Variants in PAPPA observed in about 807,000 individuals in gnomAD.
PAPPA encodes pappalysin-1.
Under a neutral mutation model 164.0 loss-of-function variants are expected in PAPPA, and 60 were observed. The observed-to-expected ratio is 0.37, with a 90% CI of 0.30 to 0.45. PAPPA has a LOEUF of 0.45. Ranked by LOEUF, PAPPA falls within the 20% of genes least tolerant of loss-of-function variation. The pLI is 1.00. For synonymous variants in PAPPA, 875 were observed against 814.1 expected, an observed-to-expected ratio of 1.07 and a Z score of -1.27; for missense variants, 1,782 against 2,087.3, an observed-to-expected ratio of 0.85 and a Z score of 2.85.
chr9:116,347,222 C>T lies in PAPPA; in HGVS notation c.3964+13C>T. On this transcript the variant is annotated intron_variant, in intron 15 of 21. Coordinates refer to ENST00000328252, the MANE Select transcript of PAPPA (RefSeq NM_002581.5). The surrounding 1 kb of genome is among the most constrained non-coding windows in gnomAD (Gnocchi z 4.5). ...GCACAATTGAAAGGTATCAAGAACG[C>T]CTTCCCCAGCTCAGCCTTCCTTTGT... The T allele has an allele frequency of 6.3e-7, 1 of 1,591,656 alleles. No homozygotes were observed. Among genetic ancestry groups the T allele is most frequent in the Non-Finnish European group, 8.6e-7 (1 of 1,167,524 alleles).
At chr9:116,229,003 T>C (rs1203022799) in intron 6 of PAPPA, among the ~76,000 whole-genome samples, 1 of 152,096 alleles carries the variant, frequency 6.6e-6, no homozygotes, top group East Asian at 1.9e-4. Flanking sequence ...CTTGGGCACA[T>C]GGGCAAGGCA....
intron 7 of PAPPA, among the ~76,000 whole-genome samples, chr9:116,258,572 C>G (rs914887951): frequency 6.6e-6 from 1 of 151,994 alleles, no homozygotes; most frequent in Admixed American, 6.5e-5. Context: ...AGGAGAATCC[C>G]TTGAACCCGG....
At chr9:116,169,717 G>A (rs1419474365) in intron 1 of PAPPA, among the ~76,000 whole-genome samples, 1 of 151,354 alleles carries the variant, frequency 6.6e-6, no homozygotes, top group Non-Finnish European at 1.5e-5. Context: ...AATATAAGAG[G>A]ATGAGGATGG....
intron 10 of PAPPA, among the ~76,000 whole-genome samples, chr9:116,328,435 G>T (rs562269320): frequency 1.3e-5 from 2 of 152,310 alleles, no homozygotes; most frequent in African/African-American, 4.8e-5. Flanking sequence ...GGCTTCTAGA[G>T]ATTTGAATAA....
At chr9:116,261,263 G>A (rs1025902062) in intron 7 of PAPPA, among the ~76,000 whole-genome samples, 2 of 152,174 alleles carry the variant, frequency 1.3e-5, no homozygotes, top group Non-Finnish European at 2.9e-5. Context: ...ACACAGTTTA[G>A]TTATAGAGAC....
At chr9:116,379,410 T>C (rs191398518) in intron 20 of PAPPA, among the ~76,000 whole-genome samples, 1 of 152,328 alleles carries the variant, frequency 6.6e-6, no homozygotes, top group African/African-American at 2.4e-5. Context: ...CACTCACTTG[T>C]TCACCAAAGC....
At chr9:116,202,224 G>A (rs964017832) in intron 2 of PAPPA, among the ~76,000 whole-genome samples, 3 of 152,094 alleles carry the variant, frequency 2.0e-5, no homozygotes, top group Non-Finnish European at 4.4e-5. Flanking sequence ...TGCTGTTGTT[G>A]TTTTGCATTT....
At chr9:116,177,902 C>A (rs1216547517) in intron 1 of PAPPA, among the ~76,000 whole-genome samples, 1 of 152,068 alleles carries the variant, frequency 6.6e-6, no homozygotes, top group South Asian at 2.1e-4. Flanking sequence ...CTTGTCCTTC[C>A]CCACTTCCTT....
chr9:116,328,795 CAT>C (rs1484717799), intron 10 of PAPPA, among the ~76,000 whole-genome samples: 1 of 152,116 alleles, frequency 6.6e-6, no homozygotes, highest in Non-Finnish European at 1.5e-5. Context: ...CCATGGAAGA[CAT>C]GTGAAAACCT....
In PAPPA at chr9:116,154,667, GC is replaced by G; in HGVS notation, c.415+81del. The G allele has an allele frequency of 8.0e-7, 1 of 1,250,526 alleles. No homozygotes were observed. The highest frequency in any genetic ancestry group is 1.0e-6 in the Non-Finnish European group (1 of 996,534). 77.5% of individuals were successfully genotyped at this position (1,250,526 alleles called of 1,614,324 possible). ...GCGGGTGTCTGGGCGCGGGTGGCGGGCGGGTCGGGGGCTTGCGGGCGTGTCT... is the reference window on the plus strand; with the variant it reads ...GCGGGTGTCTGGGCGCGGGTGGCGGGGGGTCGGGGGCTTGCGGGCGTGTCT... On this transcript the variant is annotated intron_variant, in intron 1 of 21. Transcript: ENST00000328252. The surrounding 1 kb of genome is among the most constrained non-coding windows in gnomAD (Gnocchi z 5.2).
intron 9 of PAPPA, among the ~76,000 whole-genome samples, chr9:116,295,270 G>A (rs1178186434): frequency 6.6e-6 from 1 of 151,956 alleles, no homozygotes; most frequent in Non-Finnish European, 1.5e-5. Flanking sequence ...TTGAAAAGTG[G>A]GCCGGGCATG....
intron 21 of PAPPA, among the ~76,000 whole-genome samples, chr9:116,394,567 G>GT (rs1429175176): frequency 6.6e-6 from 1 of 152,136 alleles, no homozygotes; most frequent in Non-Finnish European, 1.5e-5. Flanking sequence ...GGACTGGGGG[G>GT]TTTTCTCTCT....
At chr9:116,225,802 C>G (rs193044565) in intron 5 of PAPPA, among the ~76,000 whole-genome samples, 6 of 151,850 alleles carry the variant, frequency 4.0e-5, no homozygotes, top group Non-Finnish European at 5.9e-5. Context: ...GCCTAAGTGA[C>G]TGGTATCCAT....
chr9:116,318,312 G>A (rs1845811993), intron 10 of PAPPA: 1 of 152,050 alleles, frequency 6.6e-6, no homozygotes, highest in African/African-American at 2.4e-5. Context: ...ACCCCCATGG[G>A]AGGAGAAGGA....
Position 116,398,894 on chromosome 9 carries a change from TCA to T in PAPPA, c.*2282_*2283del, listed in dbSNP as rs993545625. ...TATTTTGAACCCCTCTCCAGTATCT[TCA>T]CACTCTTGTCAACTCTCCAGGCCTC... On this transcript the variant is annotated 3_prime_UTR_variant, in exon 22 of 22. Transcript: ENST00000328252. 49 of 358,214 alleles carry T rather than the reference TCA, an allele frequency of 1.4e-4. No individual in the cohort carries two copies. Among genetic ancestry groups the T allele is most frequent in the African/African-American group, 9.2e-4 (43 of 46,868 alleles). The allele number at this position is 358,214 out of a possible 1,614,324, so 22.2% of individuals were successfully genotyped here.
chr9:116,233,542 A>C (rs1844623330), intron 6 of PAPPA, among the ~76,000 whole-genome samples: 1 of 152,182 alleles, frequency 6.6e-6, no homozygotes. Context: ...AGATAGAGGA[A>C]ATCTTGTAAT....
At chr9:116,174,739 A>G (rs957068917) in intron 1 of PAPPA, among the ~76,000 whole-genome samples, 2 of 152,038 alleles carry the variant, frequency 1.3e-5, no homozygotes, top group South Asian at 4.1e-4. Flanking sequence ...AGAAAAAATA[A>G]TATAATAATA....
intron 21 of PAPPA, among the ~76,000 whole-genome samples, chr9:116,393,210 G>A (rs1846917522): frequency 6.6e-6 from 1 of 152,190 alleles, no homozygotes; most frequent in African/African-American, 2.4e-5. Context: ...GAAATTCTAT[G>A]TTTCAAGTTC....
chr9:116,365,340 C>T (rs757331134), intron 18 of PAPPA, among the ~76,000 whole-genome samples: 25 of 152,234 alleles, frequency 1.6e-4, no homozygotes, highest in Non-Finnish European at 3.2e-4. Flanking sequence ...CCACCCTCCC[C>T]GCGCCTCCCG....
Sources: allele counts gnomAD v4.1 joint callset (sites outside exome capture counted in the v4.1 genomes callset), GRCh38; gene constraint gnomAD v4.1.1; non-coding constraint Gnocchi (gnomAD v3.1); transcripts MANE v1.5; gene names NCBI Gene and HGNC (gene_info 2026-07-23, HGNC 2026-07-21).